The following TMC1 variants were observed in gnomAD, a reference collection of about 807,000 sequenced individuals.
TMC1 encodes transmembrane channel like 1, also known as transmembrane channel-like protein 1.
Under a neutral mutation model 105.8 loss-of-function variants are expected in TMC1, and 84 were observed. That is an observed-to-expected ratio of 0.79 (90% CI 0.67 to 0.95). The LOEUF is 0.95. Ranked by LOEUF, TMC1 falls within the 40% of genes least tolerant of loss-of-function variation. The pLI is 0.00. For missense variants in TMC1, 817 were observed against 914.1 expected, an observed-to-expected ratio of 0.89 and a Z score of 1.37; for synonymous variants, 315 against 311.5, an observed-to-expected ratio of 1.01 and a Z score of -0.12.
At chr9:72,651,115 A>C (rs958163034) in intron 5 of TMC1, 6 of 148,114 alleles carry the variant, frequency 4.1e-5, no homozygotes, top group African/African-American at 1.5e-4. Context: ...TATATATAGC[A>C]CATGTATCTA....
intron 3 of TMC1, among the ~76,000 whole-genome samples, chr9:72,622,420 G>A (rs961946051): frequency 6.6e-6 from 1 of 152,204 alleles, no homozygotes; most frequent in South Asian, 2.1e-4. Flanking sequence ...CTGAATCTCA[G>A]CCTTGGGGCA....
At chr9:72,684,963 C>T (rs1476270912) in intron 5 of TMC1, among the ~76,000 whole-genome samples, 1 of 152,254 alleles carries the variant, frequency 6.6e-6, no homozygotes, top group African/African-American at 2.4e-5. Flanking sequence ...GAAGGGCCAA[C>T]ATTGACATTC....
chr9:72,590,098 C>CT (rs2132105101), intron 2 of TMC1, among the ~76,000 whole-genome samples: 1 of 152,314 alleles, frequency 6.6e-6, no homozygotes, highest in South Asian at 2.1e-4. Context: ...TGATTATTCA[C>CT]TGACAGCTGC....
At chr9:72,522,887 C>CT (rs1206663719) in intron 1 of TMC1, among the ~76,000 whole-genome samples, 1 of 152,120 alleles carries the variant, frequency 6.6e-6, no homozygotes, top group Non-Finnish European at 1.5e-5. Flanking sequence ...CCTGATAATC[C>CT]TTTTTTGTGA....
At chr9:72,672,823 AACACACACAC>A (rs34028814) in intron 5 of TMC1, among the ~76,000 whole-genome samples, 4,541 of 139,894 alleles carry the variant, frequency 0.032, 122 homozygotes, top group Middle Eastern at 0.077. Flanking sequence ...AAGCCTGGGC[AACACACACAC>A]ACACACACAC....
intron 5 of TMC1, among the ~76,000 whole-genome samples, chr9:72,669,441 AATTT>A (rs1826094793): frequency 6.6e-6 from 1 of 152,204 alleles, no homozygotes; most frequent in South Asian, 2.1e-4. Flanking sequence ...GCTTTTAATT[AATTT>A]ATTTTTGCAG....
intron 7 of TMC1, among the ~76,000 whole-genome samples, chr9:72,695,630 A>T (rs1826537505): frequency 6.6e-6 from 1 of 152,142 alleles, no homozygotes; most frequent in South Asian, 2.1e-4. Flanking sequence ...TCCTCCCAAG[A>T]TGACACACTT....
intron 5 of TMC1, among the ~76,000 whole-genome samples, chr9:72,664,574 G>A (rs1349967677): frequency 6.6e-6 from 1 of 152,142 alleles, no homozygotes; most frequent in East Asian, 1.9e-4. Context: ...GAAGAGTGGT[G>A]CTGCAGAGAA....
At position 72,648,668 on chromosome 9, in the gene TMC1, T is replaced by C. The variant is rs374338788; in HGVS notation, c.16+4T>C. On this transcript the variant is annotated splice_donor_region_variant and intron_variant, in intron 5 of 23. Coordinates refer to ENST00000297784, the MANE Select transcript of TMC1 (RefSeq NM_138691.3). ...CCCAGGATGTCACCCAAAAAAGGTA[T>C]TTACAAAATCAAGACTGTCTGTAGG... 7 of 1,612,140 alleles carry C rather than the reference T, an allele frequency of 4.3e-6. No homozygotes were observed. Among genetic ancestry groups the C allele is most frequent in the African/African-American group, 1.3e-5 (1 of 74,840 alleles).
chr9:72,631,723 A>T (rs7855245), intron 4 of TMC1, among the ~76,000 whole-genome samples: 15,248 of 152,220 alleles, frequency 0.1, 950 homozygotes, highest in African/African-American at 0.16. Context: ...AGCATCAGCC[A>T]TCCACACTCT....
intron 5 of TMC1, among the ~76,000 whole-genome samples, chr9:72,650,892 A>ATATATATATAAATATATATATC (rs1825799416): frequency 7.2e-6 from 1 of 138,804 alleles, no homozygotes; most frequent in South Asian, 2.2e-4. Flanking sequence ...AGATATATAG[A>ATATATATATAAATATATATATC]TATATATATA....
chr9:72,690,017 CT>C (rs1172903305), intron 6 of TMC1, among the ~76,000 whole-genome samples: 1 of 151,900 alleles, frequency 6.6e-6, no homozygotes, highest in Non-Finnish European at 1.5e-5. Flanking sequence ...TCTTAAAGCT[CT>C]TTTGTCCCTT....
chr9:72,671,262 T>C (rs1406378168), intron 5 of TMC1, among the ~76,000 whole-genome samples: 1 of 152,204 alleles, frequency 6.6e-6, no homozygotes, highest in Non-Finnish European at 1.5e-5. Flanking sequence ...CTTGACCTTT[T>C]GTCGTGAGAG....
At chr9:72,731,128 C>T (rs1011549652) in intron 8 of TMC1, among the ~76,000 whole-genome samples, 2 of 152,144 alleles carry the variant, frequency 1.3e-5, no homozygotes, top group African/African-American at 4.8e-5. Flanking sequence ...CCAGTGGCCA[C>T]GACCTGACAG....
At chr9:72,625,505 G>A (rs979294000) in intron 3 of TMC1, among the ~76,000 whole-genome samples, 9 of 151,898 alleles carry the variant, frequency 5.9e-5, no homozygotes, top group South Asian at 2.1e-4. Flanking sequence ...TGACTAACAC[G>A]GTGAAACCCC....
chr9:72,792,675 A>C (rs181636984), intron 17 of TMC1, among the ~76,000 whole-genome samples: 11 of 152,282 alleles, frequency 7.2e-5, no homozygotes, highest in Admixed American at 7.2e-4. Context: ...CAAATATTTA[A>C]ATGGAACTCT....
intron 5 of TMC1, among the ~76,000 whole-genome samples, chr9:72,660,073 A>G (rs1825950743): frequency 6.6e-6 from 1 of 152,074 alleles, no homozygotes; most frequent in African/African-American, 2.4e-5. Flanking sequence ...CACTGTGTGG[A>G]TTGAAGTGGC....
At chr9:72,600,761 G>GT (rs1824796299) in intron 2 of TMC1, among the ~76,000 whole-genome samples, 1 of 152,002 alleles carries the variant, frequency 6.6e-6, no homozygotes, top group South Asian at 2.1e-4. Flanking sequence ...TTTATTTCCT[G>GT]TTTTACCCTA....
chr9:72,636,197 C>T (rs1424188629), intron 4 of TMC1, among the ~76,000 whole-genome samples: 1 of 152,138 alleles, frequency 6.6e-6, no homozygotes, highest in East Asian at 1.9e-4. Flanking sequence ...AAGTTAGACG[C>T]ATCTCTAAAT....
Sources: allele counts gnomAD v4.1 joint callset (sites outside exome capture counted in the v4.1 genomes callset), GRCh38; gene constraint gnomAD v4.1.1; transcripts MANE v1.5; gene names NCBI Gene and HGNC (gene_info 2026-07-23, HGNC 2026-07-21).